CLSTN2: variants seen among roughly 807,000 people sequenced by gnomAD.
CLSTN2 encodes the protein calsyntenin 2, also known as calsyntenin-2.
CLSTN2 carries 48 observed loss-of-function variants against 101.2 expected under a neutral mutation model. The observed-to-expected ratio is 0.47, with a 90% confidence interval of 0.38 to 0.60. The LOEUF (loss-of-function observed/expected upper bound fraction) is 0.60. Among genes scored for constraint, CLSTN2 ranks in the 20% least tolerant of loss-of-function variants. The pLI is 0.00. For synonymous variants in CLSTN2, 481 were observed against 463.6 expected (o/e 1.04, Z -0.48); for missense variants, 1,160 against 1,238.2 (o/e 0.94, Z 0.95).
In CLSTN2 at chr3:139,976,804, G is replaced by T. The variant is rs1166370712; in HGVS notation, c.109+41321G>T. Among the ~76,000 whole-genome samples the T allele has an allele frequency of 2.6e-5, 4 of 152,168 alleles. No individual in the cohort carries two copies. In the South Asian group the frequency reaches 6.2e-4, roughly 24 times the overall value. On this transcript the variant is annotated intron_variant, in intron 1 of 16. Coordinates refer to ENST00000458420, the MANE Select transcript of CLSTN2 (RefSeq NM_022131.3). ...AGGGGTTGATTCCCTAGGGTTATTT[G>T]TGCACTTCTGTGTGTGCATTGATGT...
chr3:140,420,109 G>T (rs1307743466), intron 4 of CLSTN2, among the ~76,000 whole-genome samples: 1 of 151,294 alleles, frequency 6.6e-6, no homozygotes, highest in Non-Finnish European at 1.5e-5. Flanking sequence ...GGCCAGGCTG[G>T]TCTCAAACTC....
Position 140,546,699 on chromosome 3 carries a change from A to C in CLSTN2, c.1674+18A>C. The C allele has an allele frequency of 6.3e-7, 1 of 1,598,318 alleles. No individual in the cohort carries two copies. The highest frequency in any genetic ancestry group is 8.5e-7 in the Non-Finnish European group (1 of 1,172,682). On this transcript the variant is annotated intron_variant, in intron 10 of 16. Transcript: ENST00000458420. Reference sequence around the variant, plus strand: ...GAATAAAGGTAAGGCAGGAGCTGGCATCACTCCCAATAAGACAGGGATTCA... The same window carrying C: ...GAATAAAGGTAAGGCAGGAGCTGGCCTCACTCCCAATAAGACAGGGATTCA...
At chr3:140,374,941 C>T (rs2087900208) in intron 2 of CLSTN2, among the ~76,000 whole-genome samples, 1 of 152,242 alleles carries the variant, frequency 6.6e-6, no homozygotes, top group Non-Finnish European at 1.5e-5. Flanking sequence ...ACCAGCCCAG[C>T]TTAAAGCCTT....
intron 1 of CLSTN2, among the ~76,000 whole-genome samples, chr3:139,956,779 G>A (rs1935409106): frequency 6.6e-6 from 1 of 152,080 alleles, no homozygotes; most frequent in African/African-American, 2.4e-5. Flanking sequence ...TCCCTGAAAA[G>A]CAAAAATATC....
chr3:139,983,612 A>G (rs9878784), intron 1 of CLSTN2, among the ~76,000 whole-genome samples: 49,883 of 152,028 alleles, frequency 0.33, 10,123 homozygotes, highest in Non-Finnish European at 0.46. Context: ...ATTGTATGTA[A>G]AGTCCATTTT....
chr3:140,559,833 G>T (rs1211325289), intron 12 of CLSTN2, among the ~76,000 whole-genome samples: 1 of 152,146 alleles, frequency 6.6e-6, no homozygotes, highest in Admixed American at 6.5e-5. Context: ...CCCTAGTGAA[G>T]GGGGTACTCA....
chr3:140,038,048 T>C (rs1261820252), intron 1 of CLSTN2, among the ~76,000 whole-genome samples: 8 of 152,282 alleles, frequency 5.3e-5, no homozygotes, highest in Admixed American at 2.6e-4. Flanking sequence ...TTATATTCCT[T>C]TGGGTATATA....
At chr3:140,355,871 G>A (rs750190465) in intron 2 of CLSTN2, among the ~76,000 whole-genome samples, 1 of 152,172 alleles carries the variant, frequency 6.6e-6, no homozygotes, top group Non-Finnish European at 1.5e-5. Flanking sequence ...TTTTCAGTAG[G>A]CGAGCATGTG....
chr3:139,978,269 A>G (rs1201923774), intron 1 of CLSTN2, among the ~76,000 whole-genome samples: 3 of 152,208 alleles, frequency 2.0e-5, no homozygotes, highest in African/African-American at 7.2e-5. Flanking sequence ...CTGTTTTCTC[A>G]TGGGATATCT....
At chr3:139,991,510 A>G (rs537231862) in intron 1 of CLSTN2, among the ~76,000 whole-genome samples, 23 of 152,358 alleles carry the variant, frequency 1.5e-4, no homozygotes, top group African/African-American at 5.5e-4. Context: ...TCAAAATAGA[A>G]CAGGGAGATT....
In CLSTN2 at chr3:140,312,392, C is replaced by T. The variant is rs183831606; in HGVS notation, c.233-91237C>T. 1.3e-4 allele frequency among the ~76,000 whole-genome samples: 20 copies of T among 152,324 alleles called. No individual in the cohort carries two copies. The East Asian group carries it at 2.9e-3, about 22-fold the overall frequency. On this transcript the variant is annotated intron_variant, in intron 2 of 16. Transcript: ENST00000458420. ...GGCCCTTGACCTGCTCTATCATTAT[C>T]GCATCTGAGGAATCTTTTTTCTCTT...
At chr3:140,230,621 T>A (rs1691515100) in intron 2 of CLSTN2, among the ~76,000 whole-genome samples, 1 of 152,150 alleles carries the variant, frequency 6.6e-6, no homozygotes, top group Non-Finnish European at 1.5e-5. Flanking sequence ...AGACCATCCA[T>A]GAAACAGAAA....
intron 2 of CLSTN2, among the ~76,000 whole-genome samples, chr3:140,219,570 C>T (rs1403497595): frequency 1.3e-5 from 2 of 152,240 alleles, no homozygotes; most frequent in Non-Finnish European, 1.5e-5. Flanking sequence ...TCATTCGGAG[C>T]GAGTGTATCT....
At chr3:140,550,701 AC>A (rs1395534914) in intron 10 of CLSTN2, among the ~76,000 whole-genome samples, 1 of 151,408 alleles carries the variant, frequency 6.6e-6, no homozygotes, top group Non-Finnish European at 1.5e-5. Context: ...AAATTAAAGA[AC>A]CATAGCAATT....
At position 140,286,038 on chromosome 3, in the gene CLSTN2, G is replaced by A. The variant is rs142654917; in HGVS notation, c.232+109965G>A. Among the ~76,000 whole-genome samples the A allele has an allele frequency of 1.8e-3, 276 of 152,278 alleles. 1 individual carries two copies. Among genetic ancestry groups the A allele is most frequent in the Middle Eastern group, 6.8e-3 (2 of 294 alleles). ...GTTGTAATAACTGTGAAACTTTAGC[G>A]TTAGGCTCTAAGATGAGCTACTTCA... On this transcript the variant is annotated intron_variant, in intron 2 of 16. Transcript: ENST00000458420.
chr3:140,299,537 C>T (rs1160531021), intron 2 of CLSTN2, among the ~76,000 whole-genome samples: 15 of 152,150 alleles, frequency 9.9e-5, no homozygotes. Context: ...AGGGAAGTAG[C>T]AGAGCCTTCA....
intron 1 of CLSTN2, among the ~76,000 whole-genome samples, chr3:139,945,740 G>A (rs1275951942): frequency 1.3e-5 from 2 of 152,138 alleles, no homozygotes; most frequent in Non-Finnish European, 2.9e-5. Context: ...ACAGATAAAT[G>A]TTAATCTAAT....
At chr3:140,422,728 C>T (rs1362739962) in intron 5 of CLSTN2, among the ~76,000 whole-genome samples, 1 of 152,164 alleles carries the variant, frequency 6.6e-6, no homozygotes, top group East Asian at 1.9e-4. Context: ...GTTTTCCCAA[C>T]CTCAGGGAGC....
chr3:140,412,737 G>A (rs1157503188), intron 4 of CLSTN2, among the ~76,000 whole-genome samples: 1 of 152,044 alleles, frequency 6.6e-6, no homozygotes, highest in Non-Finnish European at 1.5e-5. Flanking sequence ...TCAATAGCAG[G>A]ACAAAAAGCT....
Sources: gnomAD v4.1 joint callset for allele counts (sites outside exome capture counted in the v4.1 genomes callset) on GRCh38, gnomAD v4.1.1 for gene constraint, MANE v1.5 for transcripts, NCBI Gene and HGNC (gene_info 2026-07-23, HGNC 2026-07-21) for gene names.